CYLC2: variants seen among roughly 807,000 people sequenced by gnomAD.
CYLC2 encodes cylicin 2, also known as cylicin-2.
CYLC2 carries 30 observed loss-of-function variants against 26.1 expected under a neutral mutation model. The observed-to-expected ratio is 1.15, with a 90% CI of 0.86 to 1.56. The LOEUF (loss-of-function observed/expected upper bound fraction) is 1.56. CYLC2 is among the 40% of genes most tolerant of loss of function. The pLI, the probability that CYLC2 is intolerant of heterozygous loss-of-function variation, is 0.00. For synonymous variants in CYLC2, 158 were observed against 132.8 expected (o/e 1.19, Z -1.31); for missense variants, 498 against 394.4 (o/e 1.26, Z -2.23).
At chr9:103,000,131 A>G (rs560738892) in intron 1 of CYLC2, among the ~76,000 whole-genome samples, 2 of 151,840 alleles carry the variant, frequency 1.3e-5, no homozygotes, top group South Asian at 2.1e-4. Context: ...GTATTCTATC[A>G]TTTTCATAAT....
At chr9:103,014,444 A>G (rs1222712807) in intron 6 of CYLC2, among the ~76,000 whole-genome samples, 1 of 97,188 alleles carries the variant, frequency 1.0e-5, no homozygotes, top group Admixed American at 1.2e-4. Flanking sequence ...ATATTACATA[A>G]TATACATAAT....
In CYLC2 at chr9:103,005,142, G is replaced by T. The variant is rs1288946403; in HGVS notation, c.511G>T (p.Gly171Cys). 1 of 1,606,904 alleles carries T rather than the reference G, an allele frequency of 6.2e-7. No homozygotes were observed. The highest frequency in any genetic ancestry group is 1.7e-5 in the Admixed American group (1 of 58,026). ...SKKGKKDAEK[G>C]KDSATESEDE... is the part of the protein sequence containing the mutation. ...AAAAGGTAAAAAGGATGCAGAGAAGGGCAAAGACTCAGCAACAGAATCTGA... is the reference window on the plus strand; with the variant it reads ...AAAAGGTAAAAAGGATGCAGAGAAGTGCAAAGACTCAGCAACAGAATCTGA... The change falls in exon 5 of 8, where the codon GGC becomes TGC. Residue 171 changes from glycine (G) to cysteine (C), a missense_variant. Transcript: ENST00000374798.
In CYLC2 at chr9:103,005,714, A is replaced by G; in HGVS notation, c.*36A>G. 6.4e-7 allele frequency: 1 copy of G among 1,568,094 alleles called. No individual in the cohort carries two copies. The highest frequency in any genetic ancestry group is 8.6e-7 in the Non-Finnish European group (1 of 1,160,152). On this transcript the variant is annotated 3_prime_UTR_variant, in exon 5 of 8. Coordinates refer to ENST00000374798, the MANE Select transcript of CYLC2 (RefSeq NM_001340.5). ...AGAATTTGAACCGAAAGAATAATTC[A>G]AAAGCATATTTGATGAAACAATAGT...
At chr9:102,996,687 T>C (rs1328666915) in intron 1 of CYLC2, among the ~76,000 whole-genome samples, 3 of 152,006 alleles carry the variant, frequency 2.0e-5, no homozygotes, top group Non-Finnish European at 2.9e-5. Flanking sequence ...TGAATTCTTC[T>C]AAGGATGGCA....
At chr9:102,995,623 C>A (rs1056512421) in intron 1 of CYLC2, among the ~76,000 whole-genome samples, 1 of 151,528 alleles carries the variant, frequency 6.6e-6, no homozygotes, top group Non-Finnish European at 1.5e-5. Flanking sequence ...TTGGATAAGT[C>A]TTTTTTGTTT....
chr9:103,009,443 A>G (rs1339631376), intron 5 of CYLC2, among the ~76,000 whole-genome samples: 1 of 151,978 alleles, frequency 6.6e-6, no homozygotes, highest in Non-Finnish European at 1.5e-5. Context: ...GGCTCAAGCA[A>G]TCCACCCGCC....
intron 5 of CYLC2, among the ~76,000 whole-genome samples, chr9:103,007,905 A>G (rs1829368220): frequency 6.6e-6 from 1 of 152,094 alleles, no homozygotes; most frequent in Non-Finnish European, 1.5e-5. Flanking sequence ...TCCTGCATCA[A>G]CTACTAAGAG....
At chr9:103,014,481 T>TA (rs1829467304) in intron 6 of CYLC2, among the ~76,000 whole-genome samples, 6 of 134,570 alleles carry the variant, frequency 4.5e-5, no homozygotes, top group Non-Finnish European at 8.1e-5. Context: ...ACATAATATG[T>TA]ATATTATGCA....
At chr9:102,995,606 C>T (rs996353424) in intron 1 of CYLC2, among the ~76,000 whole-genome samples, 1 of 151,740 alleles carries the variant, frequency 6.6e-6, no homozygotes, top group African/African-American at 2.4e-5. Context: ...AAAATAGATA[C>T]CTGGCTTTGG....
chr9:103,007,659 T>C (rs1159207758), intron 5 of CYLC2, among the ~76,000 whole-genome samples: 1 of 152,184 alleles, frequency 6.6e-6, no homozygotes, highest in Non-Finnish European at 1.5e-5. Flanking sequence ...CTCAATTAAA[T>C]GACAATTCAT....
chr9:103,012,136 G>C (rs954561056), intron 6 of CYLC2, 39 bp downstream of exon 6: 1 of 151,234 alleles, frequency 6.6e-6, no homozygotes. Flanking sequence ...TATTTGTTTT[G>C]TTTTAGTAGA....
rs769477330 is a variant in CYLC2, at chr9:103,005,298, G to T, written c.667G>T (p.Asp223Tyr). 8.1e-6 allele frequency: 13 copies of T among 1,613,700 alleles called. No individual in the cohort carries two copies. The East Asian group carries it at 2.9e-4, about 36-fold the overall frequency. Residue 223 changes from aspartate (D) to tyrosine (Y), a missense_variant, in exon 5 of 8, where the codon GAT (aspartate) becomes TAT (tyrosine). Asp to Tyr is a radical substitution (Grantham distance 160, BLOSUM62 -3). Transcript: ENST00000374798. ...TEKDSKKGKK[D>Y]SKKGKDSAIE... ...GAAAGATAGCAAAAAAGGTAAAAAG[G>T]ATTCAAAGAAGGGCAAGGATTCAGC... is the stretch of plus-strand genomic sequence containing the variant.
chr9:103,012,629 T>C (rs890339365), intron 6 of CYLC2, among the ~76,000 whole-genome samples: 2 of 152,062 alleles, frequency 1.3e-5, no homozygotes, highest in African/African-American at 4.8e-5. Context: ...ATAAAAGTAT[T>C]GTGGAAAGTA....
At position 103,005,607 on chromosome 9, in the gene CYLC2, G is replaced by T. The variant is rs775213952; in HGVS notation, c.976G>T (p.Asp326Tyr). The T allele has an allele frequency of 6.2e-7, 1 of 1,608,978 alleles. No individual in the cohort carries two copies. Among genetic ancestry groups the T allele is most frequent in the Non-Finnish European group, 8.5e-7 (1 of 1,178,794 alleles). Residue 326 changes from aspartate (D) to tyrosine (Y), a missense_variant, in exon 5 of 8, where the codon GAT (aspartate) becomes TAT (tyrosine). Physicochemically the swap from Asp to Tyr is radical, Grantham distance 160. Coordinates refer to ENST00000374798, the MANE Select transcript of CYLC2 (RefSeq NM_001340.5). ...KKDAKKNAKK[D>Y]AKKDAKKNAK... ...GGATGCAAAGAAAAATGCTAAGAAG[G>T]ATGCAAAGAAGGATGCAAAGAAGAA... is the stretch of plus-strand genomic sequence containing the variant.
chr9:103,015,286 A>AAT (rs1829487536), intron 6 of CYLC2, among the ~76,000 whole-genome samples: 1 of 81,270 alleles, frequency 1.2e-5, no homozygotes, highest in African/African-American at 3.5e-5. Context: ...TATATTATAT[A>AAT]ATATAATTAT....
chr9:103,015,497 CAT>C (rs200951770), intron 6 of CYLC2, among the ~76,000 whole-genome samples: 3,368 of 133,566 alleles, frequency 0.025, 152 homozygotes, highest in African/African-American at 0.086. Flanking sequence ...AATTATATAA[CAT>C]ATAAATATAT....
chr9:103,014,463 C>CGTAATATACATAATATGTATA (rs1829466472), intron 6 of CYLC2, among the ~76,000 whole-genome samples: 1 of 123,526 alleles, frequency 8.1e-6, no homozygotes, highest in Non-Finnish European at 1.7e-5. Flanking sequence ...ATGTATATTA[C>CGTAATATACATAATATGTATA]GTAATATACA....
rs1829434261 is a variant in CYLC2, at chr9:103,013,274, TATATAACACATTAA to T, written c.*816+1183_*816+1196del. On this transcript the variant is annotated intron_variant, in intron 6 of 7. Coordinates refer to ENST00000374798, the MANE Select transcript of CYLC2 (RefSeq NM_001340.5). ...TATATTTAATGTGTTATATATATTA[TATATAACACATTAA>T]ATATATATTTACATGTTATATGTTT... Among the ~76,000 whole-genome samples, 3 of 105,274 alleles carry T rather than the reference TATATAACACATTAA, an allele frequency of 2.8e-5. 1 individual carries two copies. 69.1% of individuals were successfully genotyped at this position (105,274 alleles called of 152,430 possible).
intron 3 of CYLC2, among the ~76,000 whole-genome samples, chr9:103,003,944 C>T (rs867256500): frequency 3.9e-5 from 6 of 152,134 alleles, no homozygotes; most frequent in African/African-American, 1.4e-4. Context: ...AAAGTTTTCA[C>T]AAAATAAATG....
Sources: allele counts gnomAD v4.1 joint callset (sites outside exome capture counted in the v4.1 genomes callset), GRCh38; gene constraint gnomAD v4.1.1; transcripts MANE v1.5; gene names NCBI Gene and HGNC (gene_info 2026-07-23, HGNC 2026-07-21).